Variants in DLG2 observed in about 807,000 individuals in gnomAD.
The protein encoded by DLG2 is disks large homolog 2.
In DLG2, 45 loss-of-function variants were observed where a neutral mutation model predicts 132.5. The ratio of observed to expected loss-of-function variants is 0.34; its 90% CI spans 0.27 to 0.44. The LOEUF (loss-of-function observed/expected upper bound fraction) is 0.44. Ranked by LOEUF, DLG2 falls within the 20% of genes least tolerant of loss-of-function variation. The pLI is 1.00. For missense variants in DLG2, 1,045 were observed against 1,196.9 expected, an observed-to-expected ratio of 0.87 and a Z score of 1.87; for synonymous variants, 424 against 419.6, an observed-to-expected ratio of 1.01 and a Z score of -0.13.
intron 3 of DLG2, among the ~76,000 whole-genome samples, chr11:85,436,316 T>C (rs1166724931): frequency 1.3e-5 from 2 of 152,160 alleles, no homozygotes; most frequent in Non-Finnish European, 2.9e-5. Flanking sequence ...AAATCAGTCC[T>C]AATTACACTA....
intron 4 of DLG2, among the ~76,000 whole-genome samples, chr11:85,219,329 T>C (rs559553098): frequency 6.6e-6 from 1 of 152,286 alleles, no homozygotes; most frequent in East Asian, 1.9e-4. Flanking sequence ...GTTCTCTGAG[T>C]TTAATTCTCT....
chr11:83,659,116 A>G (rs1212419026), intron 18 of DLG2, among the ~76,000 whole-genome samples: 1 of 149,822 alleles, frequency 6.7e-6, no homozygotes, highest in Non-Finnish European at 1.5e-5. Flanking sequence ...GAATACAACA[A>G]TGATTATGGG....
intron 6 of DLG2, among the ~76,000 whole-genome samples, chr11:84,671,642 A>G (rs544217456): frequency 2.6e-5 from 4 of 152,312 alleles, no homozygotes; most frequent in African/African-American, 9.6e-5. Context: ...AAAAAGAGAC[A>G]AAATAAAAAG....
At chr11:84,501,421 C>T (rs910156381) in intron 7 of DLG2, among the ~76,000 whole-genome samples, 17 of 152,178 alleles carry the variant, frequency 1.1e-4, no homozygotes, top group African/African-American at 3.9e-4. Flanking sequence ...AAATATTAGC[C>T]AGGCATAGTG....
intron 3 of DLG2, among the ~76,000 whole-genome samples, chr11:85,592,260 T>C (rs631375): frequency 0.41 from 62,106 of 152,112 alleles, 12,911 homozygotes; most frequent in East Asian, 0.53. Flanking sequence ...ACTATTATTA[T>C]TCAATTGCAA....
At chr11:84,235,771 A>T (rs762258632) in intron 8 of DLG2, among the ~76,000 whole-genome samples, 4 of 152,142 alleles carry the variant, frequency 2.6e-5, no homozygotes, top group African/African-American at 4.8e-5. Flanking sequence ...ACCGAGAGGC[A>T]GGGTAGTATA....
chr11:83,960,094 T>C (rs1007219935), intron 14 of DLG2, among the ~76,000 whole-genome samples: 2 of 152,070 alleles, frequency 1.3e-5, no homozygotes, highest in African/African-American at 4.8e-5. Flanking sequence ...TATTTCACAT[T>C]CTTCTGTGAG....
At chr11:85,516,616 CA>C (rs1264996364) in intron 3 of DLG2, among the ~76,000 whole-genome samples, 2 of 151,934 alleles carry the variant, frequency 1.3e-5, no homozygotes, top group African/African-American at 2.4e-5. Context: ...CACAGAAATA[CA>C]ATTGATAATC....
At chr11:84,353,580 T>G (rs550072324) in intron 7 of DLG2, among the ~76,000 whole-genome samples, 2 of 152,316 alleles carry the variant, frequency 1.3e-5, no homozygotes, top group East Asian at 3.9e-4. Flanking sequence ...ATTGTCTCCT[T>G]TTATTCAACA....
chr11:84,704,898 A>G (rs989313939), intron 6 of DLG2, among the ~76,000 whole-genome samples: 1 of 149,044 alleles, frequency 6.7e-6, no homozygotes, highest in African/African-American at 2.4e-5. Context: ...TTATGTATAT[A>G]TACACATATA....
intron 7 of DLG2, among the ~76,000 whole-genome samples, chr11:84,372,696 A>G (rs570324177): frequency 6.6e-6 from 1 of 152,336 alleles, no homozygotes; most frequent in South Asian, 2.1e-4. Flanking sequence ...CAAATGACAA[A>G]TCAAGTTCTG....
chr11:83,730,306 T>C (rs1323199729), intron 18 of DLG2, among the ~76,000 whole-genome samples: 1 of 152,156 alleles, frequency 6.6e-6, no homozygotes, highest in African/African-American at 2.4e-5. Flanking sequence ...GTAGATACCT[T>C]GTAAATTACT....
chr11:83,975,924 TA>T (rs376125314), intron 12 of DLG2, among the ~76,000 whole-genome samples: 49 of 151,944 alleles, frequency 3.2e-4, no homozygotes, highest in African/African-American at 1.2e-3. Context: ...TTTCGGGAGG[TA>T]TTATCCATCC....
At chr11:83,735,909 C>T (rs2091833625) in intron 18 of DLG2, among the ~76,000 whole-genome samples, 1 of 152,150 alleles carries the variant, frequency 6.6e-6, no homozygotes, top group Non-Finnish European at 1.5e-5. Context: ...TTCCAGTCTC[C>T]AGATTCACTC....
chr11:84,878,140 G>A lies in DLG2; in HGVS notation c.357+233521C>T, dbSNP rs565029944. On this transcript the variant is annotated intron_variant, in intron 6 of 27. Coordinates refer to ENST00000376104, the MANE Select transcript of DLG2 (RefSeq NM_001142699.3). ...GAGTGCAAATTAGTTCAGCCATTGT[G>A]GAAGACAGTGTGGTGACTCCTCAAG... 3.2e-3 allele frequency among the ~76,000 whole-genome samples: 485 copies of A among 152,268 alleles called. 2 individuals are homozygous for A. Among genetic ancestry groups the A allele is most frequent in the Non-Finnish European group, 5.3e-3 (363 of 68,014 alleles).
At chr11:85,101,795 C>T (rs188071563) in intron 6 of DLG2, among the ~76,000 whole-genome samples, 1 of 152,064 alleles carries the variant, frequency 6.6e-6, no homozygotes, top group East Asian at 1.9e-4. Flanking sequence ...AGGATGAAAC[C>T]AAGAAGCAGA....
intron 18 of DLG2, among the ~76,000 whole-genome samples, chr11:83,722,829 A>C (rs535805870): frequency 3.3e-5 from 5 of 152,316 alleles, no homozygotes; most frequent in African/African-American, 1.2e-4. Flanking sequence ...CTGTGACAAT[A>C]TATGTTCTTA....
chr11:84,594,282 A>G (rs964376405), intron 6 of DLG2, among the ~76,000 whole-genome samples: 7 of 152,174 alleles, frequency 4.6e-5, no homozygotes, highest in African/African-American at 4.8e-5. Flanking sequence ...TCTCTTCTCC[A>G]TTGATGACCT....
intron 9 of DLG2, among the ~76,000 whole-genome samples, chr11:84,105,951 T>C (rs938458512): frequency 6.6e-6 from 1 of 152,166 alleles, no homozygotes; most frequent in Non-Finnish European, 1.5e-5. Flanking sequence ...CAAAACTATA[T>C]GTTGTTTTCA....
Sources: gnomAD v4.1 joint callset for allele counts (sites outside exome capture counted in the v4.1 genomes callset) on GRCh38, gnomAD v4.1.1 for gene constraint, MANE v1.5 for transcripts, NCBI Gene and HGNC (gene_info 2026-07-23, HGNC 2026-07-21) for gene names.